The following OR10H1 variants were observed in gnomAD, a reference collection of about 807,000 sequenced individuals.
OR10H1 encodes the protein olfactory receptor family 10 subfamily H member 1, also known as olfactory receptor 10H1.
In OR10H1, 12 loss-of-function variants were observed where a neutral mutation model predicts 13.1. The ratio of observed to expected loss-of-function variants is 0.92; its 90% CI spans 0.59 to 1.48. The LOEUF (loss-of-function observed/expected upper bound fraction) is 1.48, where lower values mean the gene tolerates loss of function less well. Among genes scored for constraint, OR10H1 ranks in the 40% most tolerant of loss-of-function variants. The pLI is 0.00. For synonymous variants in OR10H1, 168 were observed against 175.6 expected (o/e 0.96, Z 0.34); for missense variants, 363 against 413.1 (o/e 0.88, Z 1.05).
At chr19:15,813,147 T>TAAAAAAA (rs5827309) in intron 1 of OR10H1, among the ~76,000 whole-genome samples, 1 of 145,230 alleles carries the variant, frequency 6.9e-6, no homozygotes, top group Non-Finnish European at 1.5e-5. Context: ...AGATTAATGG[T>TAAAAAAA]AAAAAAAAAA....
chr19:15,814,603 C>T (rs1305649945), intron 1 of OR10H1, among the ~76,000 whole-genome samples: 1 of 151,878 alleles, frequency 6.6e-6, no homozygotes, highest in Admixed American at 6.6e-5. Context: ...GCCTTAACTT[C>T]CTGGGCTCAA....
At position 15,807,841 on chromosome 19, in the gene OR10H1, A is replaced by G; in HGVS notation, c.197T>C (p.Leu66Pro). 6.2e-7 allele frequency: 1 copy of G among 1,608,320 alleles called. No individual in the cohort carries two copies. Among genetic ancestry groups the G allele is most frequent in the Non-Finnish European group, 8.5e-7 (1 of 1,175,542 alleles). The change falls in exon 4 of 4, where the codon CTC becomes CCC. Residue 66 changes from leucine (L) to proline (P), a missense_variant. Around this residue, in one of 3 missense-constraint regions of OR10H1, gnomAD observed 318 missense variants for 366.6 expected, o/e 0.87. Transcript: ENST00000641419. Reference protein sequence around the residue: ...HTPMYLFLCALSVSEILYTVA... With the variant: ...HTPMYLFLCAPSVSEILYTVA... Reference sequence around the variant, plus strand: ...GGTGTAGAGGATCTCGGAGACGGAGAGGGCGCACAGGAAGAGGTACATGGG... The same window carrying G: ...GGTGTAGAGGATCTCGGAGACGGAGGGGGCGCACAGGAAGAGGTACATGGG...
In OR10H1 at chr19:15,806,653, CT is replaced by C; in HGVS notation, c.*427del. The C allele has an allele frequency of 5.9e-6, 1 of 168,496 alleles. No homozygotes were observed. The highest frequency in any genetic ancestry group is 1.3e-5 in the Non-Finnish European group (1 of 77,568). The allele number at this position is 168,496 out of a possible 1,614,324, so 10.4% of individuals were successfully genotyped here. A position where few individuals can be genotyped will look rare whatever the true frequency, so the allele number is the denominator to read the frequency against. Reference sequence around the variant, plus strand: ...GAACTCCTGGCCTCAAGCAATCCTCCTGCCTTGGCATCCCAAGGTGCTGGAA... The same window carrying C: ...GAACTCCTGGCCTCAAGCAATCCTCCGCCTTGGCATCCCAAGGTGCTGGAA... On this transcript the variant is annotated 3_prime_UTR_variant, in exon 4 of 4. Coordinates refer to ENST00000641419, the MANE Select transcript of OR10H1 (RefSeq NM_013940.4).
Position 15,807,664 on chromosome 19 carries a change from G to T in OR10H1, c.374C>A (p.Ala125Asp). The part of the protein sequence containing the change: ...LTVMGYDRYV[A>D]ICHPLRYNVL... The stretch of plus-strand genomic sequence containing the variant: ...GTTGTAGCGCAGGGGGTGGCAGATG[G>T]CCACGTAGCGGTCGTAGCCCATGAC... The change falls in exon 4 of 4, where the codon GCC becomes GAC. Residue 125 changes from alanine (A) to aspartate (D), a missense_variant. This residue lies in a region of OR10H1 where 318 missense variants were observed against 366.6 expected (regional missense o/e 0.87). Transcript: ENST00000641419. 1 of 1,614,090 alleles carries T rather than the reference G, an allele frequency of 6.2e-7. No individual in the cohort carries two copies. The highest frequency in any genetic ancestry group is 8.5e-7 in the Non-Finnish European group (1 of 1,179,986).
intron 2 of OR10H1, among the ~76,000 whole-genome samples, chr19:15,810,651 G>A (rs918793811): frequency 2.0e-5 from 3 of 152,034 alleles, no homozygotes; most frequent in African/African-American, 7.2e-5. Context: ...GTGGTTTCCA[G>A]GGGCTGGGGT....
At position 15,804,873 on chromosome 19, in the gene OR10H1, T is replaced by C. The variant is rs1372129567; in HGVS notation, c.*2208A>G. 6.6e-6 allele frequency: 1 copy of C among 152,202 alleles called. No homozygotes were observed. Among genetic ancestry groups the C allele is most frequent in the Non-Finnish European group, 1.5e-5 (1 of 68,042 alleles). The allele number at this position is 152,202 out of a possible 1,614,324, so 9.4% of individuals were successfully genotyped here. ...AGTGTTCCTATTTCTCCACATCCTCTCCAGCACCTGTTGTTTCCTGACTTT... is the reference window on the plus strand; with the variant it reads ...AGTGTTCCTATTTCTCCACATCCTCCCCAGCACCTGTTGTTTCCTGACTTT... On this transcript the variant is annotated 3_prime_UTR_variant, in exon 4 of 4. Coordinates refer to ENST00000641419, the MANE Select transcript of OR10H1 (RefSeq NM_013940.4).
At position 15,809,815 on chromosome 19, in the gene OR10H1, ATT is replaced by A. The variant is rs60183470; in HGVS notation, c.-128-976_-128-975del. On this transcript the variant is annotated intron_variant, in intron 2 of 3. Coordinates refer to ENST00000641419, the MANE Select transcript of OR10H1 (RefSeq NM_013940.4). The stretch of plus-strand genomic sequence containing the variant: ...TTTATGAAACAATTAAATATATTCA[ATT>A]TTTTTTTTTTCAAAAGACAGGGTCT... Among the ~76,000 whole-genome samples, 200 of 148,874 alleles carry A rather than the reference ATT, an allele frequency of 1.3e-3. 2 individuals carry two copies. In the East Asian group the frequency reaches 0.032, roughly 24 times the overall value.
intron 1 of OR10H1, among the ~76,000 whole-genome samples, chr19:15,814,934 G>T (rs1196854137): frequency 1.3e-5 from 2 of 152,130 alleles, no homozygotes; most frequent in African/African-American, 4.8e-5. Context: ...GAGAAGAGAG[G>T]TTAAAATCAA....
intron 2 of OR10H1, among the ~76,000 whole-genome samples, chr19:15,810,390 G>A (rs2088926770): frequency 6.7e-6 from 1 of 150,260 alleles, no homozygotes; most frequent in South Asian, 2.1e-4. Context: ...AATCATACGA[G>A]ATGGGGCCTT....
chr19:15,815,036 G>A (rs545975776), intron 1 of OR10H1, among the ~76,000 whole-genome samples: 1 of 152,190 alleles, frequency 6.6e-6, no homozygotes, highest in South Asian at 2.1e-4. Flanking sequence ...GAGGCAGCAG[G>A]AGCTCTAAAG....
rs1469527723 is a variant in OR10H1 at position 15,812,648 on chromosome 19, AAAGG to A, written c.-551_-548del. Reference sequence around the variant, plus strand: ...GAAGGAGAGTGAGGAAGGAAGGAAGAAAGGGAGGGAGGGAGGCAGGAAGGAAGGA... The same window carrying A: ...GAAGGAGAGTGAGGAAGGAAGGAAGAGAGGGAGGGAGGCAGGAAGGAAGGA... On this transcript the variant is annotated 5_prime_UTR_variant, in exon 2 of 4. The change creates a premature stop within an existing upstream ORF in the 5' untranslated region. Transcript: ENST00000641419. The A allele has an allele frequency of 1.3e-5, 1 of 76,062 alleles. No homozygotes were observed. The highest frequency in any genetic ancestry group is 4.0e-5 in the African/African-American group (1 of 25,050). The allele number at this position is 76,062 out of a possible 1,614,324, so 4.7% of individuals were successfully genotyped here.
chr19:15,809,999 A>T (rs2088924427), intron 2 of OR10H1, among the ~76,000 whole-genome samples: 1 of 152,202 alleles, frequency 6.6e-6, no homozygotes. Context: ...TTTTTAAAAA[A>T]TTTGGCAATG....
chr19:15,809,601 G>A (rs1004928394), intron 2 of OR10H1, among the ~76,000 whole-genome samples: 5 of 152,058 alleles, frequency 3.3e-5, no homozygotes, highest in Admixed American at 6.6e-5. Flanking sequence ...CCAATATTTT[G>A]TAAAGTTGAG....
rs1361180675 is a variant in OR10H1, at chr19:15,809,957, C to T, written c.-128-1116G>A. Among the ~76,000 whole-genome samples, 5 of 152,234 alleles carry T rather than the reference C, an allele frequency of 3.3e-5. No individual in the cohort carries two copies. The South Asian group carries it at 1.0e-3, about 32-fold the overall frequency. ...CAGCCCCCTTAAATAGCTGGGACTA[C>T]AGGCATGCACCACCATGCTTAGTTA... On this transcript the variant is annotated intron_variant, in intron 2 of 3. Coordinates refer to ENST00000641419, the MANE Select transcript of OR10H1 (RefSeq NM_013940.4).
rs2088906517 is a variant in OR10H1, at chr19:15,807,529, C to T, written c.509G>A (p.Gly170Glu). The T allele has an allele frequency of 6.2e-7, 1 of 1,614,098 alleles. No homozygotes were observed. Among genetic ancestry groups the T allele is most frequent in the African/African-American group, 1.3e-5 (1 of 74,936 alleles). ...AGCAAAATGGTGGATCTCCTTGTGT[C>T]CACAGAAGGCGAGGTGGAAAATGGC... is the stretch of plus-strand genomic sequence containing the variant. ...TSAIFHLAFC[G>E]HKEIHHFACH... is the part of the protein sequence containing the mutation. The change falls in exon 4 of 4, where the codon GGA becomes GAA. Residue 170 changes from glycine (G) to glutamate (E), a missense_variant. Gly to Glu is a moderately conservative substitution (Grantham distance 98, BLOSUM62 -2). This residue lies in a region of OR10H1 where 318 missense variants were observed against 366.6 expected (regional missense o/e 0.87). Coordinates refer to ENST00000641419, the MANE Select transcript of OR10H1 (RefSeq NM_013940.4).
chr19:15,808,047 G>C lies in OR10H1; in HGVS notation c.-10C>G. 1.2e-6 allele frequency: 2 copies of C among 1,601,482 alleles called. No homozygotes were observed. Among genetic ancestry groups the C allele is most frequent in the Non-Finnish European group, 8.5e-7 (1 of 1,170,368 alleles). ...GATTGGCTCTCTGCATGGAGGCTGT[G>C]CCTGGGGTGAGATGTGACAGGGAGA... On this transcript the variant is annotated splice_region_variant and 5_prime_UTR_variant, in exon 4 of 4. Transcript: ENST00000641419.
At chr19:15,813,418 G>A (rs752572596) in intron 1 of OR10H1, among the ~76,000 whole-genome samples, 2 of 152,046 alleles carry the variant, frequency 1.3e-5, no homozygotes, top group Admixed American at 6.6e-5. Context: ...GTAAAACAGA[G>A]AGAGAGAAAG....
chr19:15,809,537 C>T (rs139748815), intron 2 of OR10H1, among the ~76,000 whole-genome samples: 244 of 152,262 alleles, frequency 1.6e-3, no homozygotes, highest in Admixed American at 3.7e-3. Context: ...AAGTCATCCT[C>T]CTGCCTGGGA....
rs1043839580 is a variant in OR10H1, at chr19:15,805,330, G to A, written c.*1751C>T. ...GAGAATTCACACTTTAGAAAAAAAT[G>A]ATGCATAGCTCAAACACAGGAAGAC... On this transcript the variant is annotated 3_prime_UTR_variant, in exon 4 of 4. Coordinates refer to ENST00000641419, the MANE Select transcript of OR10H1 (RefSeq NM_013940.4). 6.6e-6 allele frequency: 1 copy of A among 151,724 alleles called. No individual in the cohort carries two copies. The highest frequency in any genetic ancestry group is 1.5e-5 in the Non-Finnish European group (1 of 67,992). The allele number at this position is 151,724 out of a possible 1,614,324, so 9.4% of individuals were successfully genotyped here.
Sources: allele counts gnomAD v4.1 joint callset (sites outside exome capture counted in the v4.1 genomes callset), GRCh38; gene constraint gnomAD v4.1.1; regional missense constraint gnomAD v4.1.1; transcripts MANE v1.5; gene names NCBI Gene and HGNC (gene_info 2026-07-23, HGNC 2026-07-21).